Variants in SH3TC1 observed in about 807,000 individuals in gnomAD.
The protein encoded by SH3TC1 is SH3 domain and tetratricopeptide repeats 1, also known as SH3 domain and tetratricopeptide repeat-containing protein 1.
In SH3TC1, 135 loss-of-function variants were observed where a neutral mutation model predicts 117.3. The observed-to-expected ratio is 1.15, with a 90% confidence interval of 1.00 to 1.33. The LOEUF (loss-of-function observed/expected upper bound fraction) is 1.33. SH3TC1 is among the 40% of genes most tolerant of loss of function. The probability of loss-of-function intolerance (pLI) is 0.00; values close to 1 mark genes in which losing one functional copy is unlikely to be tolerated. For missense variants in SH3TC1, 2,092 were observed against 1,794.3 expected, an observed-to-expected ratio of 1.17 and a Z score of -3.00; for synonymous variants, 898 against 816.9, an observed-to-expected ratio of 1.10 and a Z score of -1.69.
chr4:8,235,916 G>A (rs1721768109), intron 15 of SH3TC1: 4 of 357,088 alleles, frequency 1.1e-5, no homozygotes, highest in African/African-American at 4.2e-5. Flanking sequence ...AGGTCTGCAT[G>A]CACCCCGAAG....
intron 1 of SH3TC1, among the ~76,000 whole-genome samples, chr4:8,204,019 G>A (rs974902668): frequency 2.0e-5 from 3 of 152,214 alleles, no homozygotes; most frequent in South Asian, 4.1e-4. Flanking sequence ...CCGGACGGAG[G>A]CCCTGGCAAG....
rs915794912 is a variant in SH3TC1, at chr4:8,231,973, C to T, written c.2951-3C>T. ...GACGTCTTCCTTTTTGTCTTCTGCC[C>T]AGGCCAGCTGCGGGCCGTCCAGCGG... On this transcript the variant is annotated splice_region_variant and splice_polypyrimidine_tract_variant and intron_variant, in intron 12 of 17. Transcript: ENST00000245105. The T allele has an allele frequency of 6.8e-6, 11 of 1,610,646 alleles. No homozygotes were observed. The East Asian group carries it at 2.0e-4, about 29-fold the overall frequency.
At chr4:8,229,024 T>G (rs1720866481) in intron 12 of SH3TC1, 2 of 217,278 alleles carry the variant, frequency 9.2e-6, no homozygotes, top group African/African-American at 2.3e-5. Flanking sequence ...TGAACGCCGG[T>G]GCTTGTGCCC....
At chr4:8,189,558 G>C (rs1327412810) in intron 1 of SH3TC1, among the ~76,000 whole-genome samples, 2 of 152,236 alleles carry the variant, frequency 1.3e-5, no homozygotes, top group East Asian at 1.9e-4. Context: ...GGGTGGGAGA[G>C]GGGAGAGCAG....
At chr4:8,193,252 A>T (rs1441523647) in intron 1 of SH3TC1, among the ~76,000 whole-genome samples, 1 of 152,216 alleles carries the variant, frequency 6.6e-6, no homozygotes, top group African/African-American at 2.4e-5. Flanking sequence ...GCAGCCTGCG[A>T]AAGTGGGGAG....
intron 15 of SH3TC1, 87 bp downstream of exon 15, chr4:8,235,642 G>C: frequency 6.9e-7 from 1 of 1,439,966 alleles, no homozygotes; most frequent in Non-Finnish European, 9.2e-7. Context: ...CAGAGCCCTC[G>C]CACCTGGAGG....
At chr4:8,235,975 G>T (rs188765768) in intron 15 of SH3TC1, 80 of 440,046 alleles carry the variant, frequency 1.8e-4, no homozygotes, top group Non-Finnish European at 2.3e-4. Context: ...GCTCAGCCCT[G>T]GGCACAGATA....
chr4:8,226,846 A>G, intron 11 of SH3TC1, 134 bp from the exon 12 acceptor site: 1 of 557,960 alleles, frequency 1.8e-6, no homozygotes, highest in South Asian at 4.6e-5. Flanking sequence ...GCTCATGGCA[A>G]GCCGGTAGGG....
chr4:8,214,196 A>AGAGTGCT (rs1719004572), intron 4 of SH3TC1, among the ~76,000 whole-genome samples: 2 of 151,772 alleles, frequency 1.3e-5, no homozygotes, highest in South Asian at 4.2e-4. Context: ...TAAGGCAGGT[A>AGAGTGCT]GAGTGCTGAG....
At position 8,228,164 on chromosome 4, in the gene SH3TC1, A is replaced by G. The variant is rs745520937; in HGVS notation, c.2470A>G (p.Ile824Val). 6 of 1,611,888 alleles carry G rather than the reference A, an allele frequency of 3.7e-6. No homozygotes were observed. Among genetic ancestry groups the G allele is most frequent in the Admixed American group, 1.7e-5 (1 of 59,946 alleles). The change falls in exon 12 of 18, where the codon ATC (isoleucine) becomes GTC (valine). Residue 824 changes from isoleucine (I) to valine (V), a missense_variant. Transcript: ENST00000245105. ...EASAIAGVRA[I>V]VDHLVALAWL... Reference sequence around the variant, plus strand: ...CAGTGCTATTGCCGGAGTCCGTGCCATCGTGGACCACCTGGTGGCCCTGGC... The same window carrying G: ...CAGTGCTATTGCCGGAGTCCGTGCCGTCGTGGACCACCTGGTGGCCCTGGC...
intron 5 of SH3TC1, among the ~76,000 whole-genome samples, 173 bp from the exon 6 acceptor site, chr4:8,215,938 C>CGT (rs33967397): frequency 2.5e-4 from 5 of 20,316 alleles, no homozygotes; most frequent in Admixed American, 7.9e-4. Flanking sequence ...GTGGTCAGGC[C>CGT]GTGGGCTGCT....
chr4:8,229,730 T>C (rs1354032400), intron 12 of SH3TC1, among the ~76,000 whole-genome samples: 1 of 151,932 alleles, frequency 6.6e-6, no homozygotes, highest in African/African-American at 2.4e-5. Flanking sequence ...GACCCAGGCT[T>C]CTTCCCCAGG....
intron 17 of SH3TC1, among the ~76,000 whole-genome samples, chr4:8,240,419 C>T (rs1722225530): frequency 6.6e-6 from 1 of 152,164 alleles, no homozygotes. Context: ...CCGCCCCAAC[C>T]TCAGCCCACG....
chr4:8,195,010 G>T (rs1317165830), upstream of SH3TC1, among the ~76,000 whole-genome samples: 2 of 152,126 alleles, frequency 1.3e-5, no homozygotes. Context: ...GAGCTGTGTG[G>T]CCCTGGGCAG....
chr4:8,184,657 G>A (rs1717171134), intron 1 of SH3TC1, among the ~76,000 whole-genome samples: 1 of 152,182 alleles, frequency 6.6e-6, no homozygotes, highest in African/African-American at 2.4e-5. Flanking sequence ...GGGATTACAG[G>A]TATGAGCCAC....
intron 1 of SH3TC1, among the ~76,000 whole-genome samples, chr4:8,191,341 G>A (rs529673303): frequency 7.2e-5 from 11 of 152,324 alleles, no homozygotes; most frequent in African/African-American, 2.2e-4. Context: ...GCCCAGGCAC[G>A]AGAACTGCTG....
At chr4:8,235,671 T>C (rs1721746638) in intron 15 of SH3TC1, 116 bp downstream of exon 15, 3 of 1,367,176 alleles carry the variant, frequency 2.2e-6, no homozygotes, top group Middle Eastern at 2.6e-4. Flanking sequence ...CCCATGCACA[T>C]GCTTAGTTTC....
chr4:8,221,042 C>A (rs1719875161), intron 9 of SH3TC1, among the ~76,000 whole-genome samples: 1 of 152,242 alleles, frequency 6.6e-6, no homozygotes, highest in African/African-American at 2.4e-5. Flanking sequence ...GCATCTTTTT[C>A]CTGTTGAAAT....
In SH3TC1 at chr4:8,212,826, G is replaced by A. The variant is rs202092857; in HGVS notation, c.373G>A (p.Gly125Arg). The part of the protein sequence containing the change: ...NDSREMARVL[G>R]ELSARLLSIH... ...TAGCCGGGAGATGGCCCGCGTGCTTGGGGTGAGTAGCCCTCTGGGGCCTGC... is the reference window on the plus strand; with the variant it reads ...TAGCCGGGAGATGGCCCGCGTGCTTAGGGTGAGTAGCCCTCTGGGGCCTGC... Residue 125 changes from glycine (G) to arginine (R), a missense_variant and splice_region_variant, in exon 4 of 18, where the codon GGG becomes AGG. Physicochemically the swap from Gly to Arg is moderately radical, Grantham distance 125. Coordinates refer to ENST00000245105, the MANE Select transcript of SH3TC1 (RefSeq NM_018986.5). 394 of 1,573,434 alleles carry A rather than the reference G, an allele frequency of 2.5e-4. No homozygotes were observed. In the African/African-American group the frequency reaches 4.9e-3, roughly 19 times the overall value.
Sources: gnomAD v4.1 joint callset for allele counts (sites outside exome capture counted in the v4.1 genomes callset) on GRCh38, gnomAD v4.1.1 for gene constraint, MANE v1.5 for transcripts, NCBI Gene and HGNC (gene_info 2026-07-23, HGNC 2026-07-21) for gene names.